GPHN: variants seen among roughly 807,000 people sequenced by gnomAD.
The protein encoded by GPHN is gephyrin.
GPHN carries 17 observed loss-of-function variants against 95.5 expected under a neutral mutation model. That is an observed-to-expected ratio of 0.18 (90% CI 0.12 to 0.27). The LOEUF (loss-of-function observed/expected upper bound fraction) is 0.27, where lower values mean the gene tolerates loss of function less well. Ranked by LOEUF, GPHN falls within the 10% of genes least tolerant of loss-of-function variation. The probability of loss-of-function intolerance (pLI) is 1.00; values close to 1 mark genes in which losing one functional copy is unlikely to be tolerated. For missense variants in GPHN, 660 were observed against 978.1 expected (o/e 0.67, Z 4.34); for synonymous variants, 320 against 322.5 (o/e 0.99, Z 0.08).
intron 10 of GPHN, among the ~76,000 whole-genome samples, chr14:67,055,101 C>G (rs772468574): frequency 6.6e-6 from 1 of 152,084 alleles, no homozygotes. Context: ...CAAATGAGAT[C>G]TAATTAAAGA....
the GPHN span, among the ~76,000 whole-genome samples, chr14:67,490,666 A>G: frequency 6.6e-6 from 1 of 152,020 alleles, no homozygotes; most frequent in East Asian, 1.9e-4. Flanking sequence ...TGCTTCTCTG[A>G]CCAGAACCTA....
At chr14:66,870,287 G>C (rs554652502) in intron 4 of GPHN, among the ~76,000 whole-genome samples, 1 of 152,244 alleles carries the variant, frequency 6.6e-6, no homozygotes, top group East Asian at 1.9e-4. Context: ...CAGCATCAAT[G>C]CCTTTCAGTG....
At chr14:67,361,410 A>AT in the GPHN span, among the ~76,000 whole-genome samples, 5 of 152,198 alleles carry the variant, frequency 3.3e-5, no homozygotes, top group Non-Finnish European at 7.4e-5. Context: ...GTTTGTAGAG[A>AT]TTCGGTGATA....
At chr14:67,015,644 C>G (rs989731899) in intron 9 of GPHN, among the ~76,000 whole-genome samples, 2 of 152,052 alleles carry the variant, frequency 1.3e-5, no homozygotes, top group Non-Finnish European at 2.9e-5. Context: ...TTGCAGTGAG[C>G]CAAGATCATG....
chr14:66,656,675 G>A (rs890181282), intron 1 of GPHN, among the ~76,000 whole-genome samples: 5 of 140,852 alleles, frequency 3.5e-5, no homozygotes, highest in Admixed American at 8.9e-5. Context: ...ATCTATGATG[G>A]TGATCTCTGA....
chr14:67,561,999 G>T, the GPHN span: 2 of 1,613,782 alleles, frequency 1.2e-6, no homozygotes, highest in Non-Finnish European at 1.7e-6. Flanking sequence ...TCAGCGCCTG[G>T]TGGAGCAGGT....
intron 11 of GPHN, among the ~76,000 whole-genome samples, chr14:67,083,875 T>A (rs2076787067): frequency 1.3e-5 from 2 of 152,200 alleles, no homozygotes; most frequent in Admixed American, 6.5e-5. Flanking sequence ...CTATTTTATA[T>A]CCTCTTTGAT....
At chr14:67,720,761 T>C in the GPHN span, 3 of 152,232 alleles carry the variant, frequency 2.0e-5, no homozygotes, top group African/African-American at 4.8e-5. Flanking sequence ...CTTTGGATTA[T>C]AATATTTAAC....
chr14:66,675,129 T>C (rs2066511167), intron 1 of GPHN, among the ~76,000 whole-genome samples: 1 of 150,368 alleles, frequency 6.7e-6, no homozygotes, highest in South Asian at 2.1e-4. Flanking sequence ...GAGATGTCTA[T>C]TCAGATTCTT....
At chr14:67,661,783 C>T in the GPHN span, among the ~76,000 whole-genome samples, 1 of 152,112 alleles carries the variant, frequency 6.6e-6, no homozygotes, top group African/African-American at 2.4e-5. Context: ...ATCCTCCCAC[C>T]TTGGCATCTC....
At chr14:67,673,343 CA>C in the GPHN span, among the ~76,000 whole-genome samples, 164 of 144,418 alleles carry the variant, frequency 1.1e-3, no homozygotes, top group Non-Finnish European at 1.6e-3. Flanking sequence ...GACCCTGTCT[CA>C]AAAAAAAAAA....
chr14:67,317,012 T>C, the GPHN span: 2 of 784,582 alleles, frequency 2.5e-6, no homozygotes, highest in Non-Finnish European at 4.1e-6. Flanking sequence ...GAAAGAGTGA[T>C]ACAAGAGGCA....
chr14:67,515,369 G>A, the GPHN span: 2 of 174,342 alleles, frequency 1.1e-5, no homozygotes, highest in African/African-American at 2.4e-5. Flanking sequence ...CGGGGTCCGG[G>A]GGGCTGCAGC....
chr14:67,662,516 G>C, the GPHN span: 6 of 1,611,038 alleles, frequency 3.7e-6, no homozygotes, highest in Non-Finnish European at 5.1e-6. Context: ...CAAAATCCCT[G>C]ATCAATTTCT....
the GPHN span, among the ~76,000 whole-genome samples, chr14:67,563,955 G>A: frequency 6.7e-6 from 1 of 150,290 alleles, no homozygotes; most frequent in Non-Finnish European, 1.5e-5. Context: ...AGGCTGGAGT[G>A]CAGTGGCACA....
At chr14:66,594,310 A>C (rs2061880393) in intron 1 of GPHN, among the ~76,000 whole-genome samples, 1 of 152,186 alleles carries the variant, frequency 6.6e-6, no homozygotes, top group Non-Finnish European at 1.5e-5. Context: ...AAATAGAAAA[A>C]AAAAATCCTA....
At chr14:67,301,570 C>T in the GPHN span, 5 of 664,934 alleles carry the variant, frequency 7.5e-6, no homozygotes. Flanking sequence ...ATTCTCTAGC[C>T]TATTTTGATG....
intron 11 of GPHN, among the ~76,000 whole-genome samples, chr14:67,071,496 G>T (rs1263543412): frequency 6.6e-6 from 1 of 151,628 alleles, no homozygotes; most frequent in Non-Finnish European, 1.5e-5. Context: ...GATGGGGGGA[G>T]TGGGGAGGGA....
chr14:66,932,293 C>G (rs2066842796), intron 8 of GPHN, among the ~76,000 whole-genome samples: 1 of 151,910 alleles, frequency 6.6e-6, no homozygotes, highest in Non-Finnish European at 1.5e-5. Context: ...TTGTGGCCAC[C>G]ACCACTGGTA....
Sources: gnomAD v4.1 joint callset for allele counts (sites outside exome capture counted in the v4.1 genomes callset) on GRCh38, gnomAD v4.1.1 for gene constraint, MANE v1.5 for transcripts, NCBI Gene and HGNC (gene_info 2026-07-23, HGNC 2026-07-21) for gene names.